Variants in CPLANE1 observed in about 807,000 individuals in gnomAD.
The protein encoded by CPLANE1 is ciliogenesis and planar polarity effector complex subunit 1, also known as ciliogenesis and planar polarity effector 1.
Under a neutral mutation model 362.5 loss-of-function variants are expected in CPLANE1, and 263 were observed. The ratio of observed to expected loss-of-function variants is 0.73; its 90% CI spans 0.66 to 0.80. The LOEUF is 0.80. Among genes scored for constraint, CPLANE1 ranks in the 30% least tolerant of loss-of-function variants. CPLANE1 has a pLI of 0.00. For synonymous variants in CPLANE1, 1,212 were observed against 1,302.6 expected (o/e 0.93, Z 1.50); for missense variants, 3,461 against 3,793.4 (o/e 0.91, Z 2.30).
chr5:37,209,917 A>G lies in CPLANE1; in HGVS notation c.2921-3492T>C, dbSNP rs1580760199. ...CAGCTTATTGATGATCAGTTTGCAG[A>G]TGCTTACCCTCAGCGTATCAAGTTT... is the stretch of plus-strand genomic sequence containing the variant. On this transcript the variant is annotated intron_variant, in intron 16 of 52. Coordinates refer to ENST00000651892, the MANE Select transcript of CPLANE1 (RefSeq NM_001384732.1). This position sits in a 1 kb window ranked among gnomAD's most constrained non-coding sequence, Gnocchi z 4.6. 6 of 1,406,932 alleles carry G rather than the reference A, an allele frequency of 4.3e-6. No individual in the cohort carries two copies. Among genetic ancestry groups the G allele is most frequent in the African/African-American group, 4.2e-5 (3 of 70,972 alleles). The allele number at this position is 1,406,932 out of a possible 1,614,324, so 87.2% of individuals were successfully genotyped here.
chr5:37,194,907 C>T (rs1261263733), intron 21 of CPLANE1, among the ~76,000 whole-genome samples: 1 of 151,970 alleles, frequency 6.6e-6, no homozygotes, highest in Non-Finnish European at 1.5e-5. Context: ...AATCCCAGCA[C>T]TTTGGGAGGC....
chr5:37,224,860 C>T (rs191994976), intron 12 of CPLANE1, 120 bp from the exon 13 acceptor site: 25 of 600,230 alleles, frequency 4.2e-5, no homozygotes, highest in Middle Eastern at 4.5e-4. Flanking sequence ...TACATACAAA[C>T]TGATCACATT....
At chr5:37,228,756 G>A (rs1797013553) in intron 9 of CPLANE1, among the ~76,000 whole-genome samples, 1 of 152,004 alleles carries the variant, frequency 6.6e-6, no homozygotes, top group Non-Finnish European at 1.5e-5. Context: ...ATTTAATTTT[G>A]TAACATTTGA....
intron 46 of CPLANE1, among the ~76,000 whole-genome samples, chr5:37,127,276 G>A (rs72736743): frequency 0.028 from 4,283 of 151,930 alleles, 92 homozygotes; most frequent in Middle Eastern, 0.1. Flanking sequence ...GGTGATCTTG[G>A]GGACCCCCAG....
At chr5:37,085,271 T>C in the CPLANE1 span, 19 of 894,534 alleles carry the variant, frequency 2.1e-5, no homozygotes, top group African/African-American at 2.9e-4. Context: ...TTAAGGTTGA[T>C]GGCAAGGTAC....
chr5:37,112,822 T>A (rs918827758), intron 51 of CPLANE1, among the ~76,000 whole-genome samples: 1 of 152,206 alleles, frequency 6.6e-6, no homozygotes, highest in Non-Finnish European at 1.5e-5. Flanking sequence ...GAGGCAGGGT[T>A]ACCATTGAAC....
At chr5:37,078,560 ATACCCAGCAATGGTAT>A in the CPLANE1 span, among the ~76,000 whole-genome samples, 1 of 152,196 alleles carries the variant, frequency 6.6e-6, no homozygotes, top group Non-Finnish European at 1.5e-5. Context: ...CTTTGGATAT[ATACCCAGCAATGGTAT>A]TGCTGGGTCA....
chr5:37,193,459 G>A (rs753840666), intron 21 of CPLANE1, among the ~76,000 whole-genome samples: 4 of 152,012 alleles, frequency 2.6e-5, no homozygotes, highest in Non-Finnish European at 1.5e-5. Flanking sequence ...GTTTGAGACC[G>A]ACCTAGCCAA....
rs754236106 is a variant in CPLANE1, at chr5:37,153,822, T to G, written c.8291A>C (p.Gln2764Pro). ...LSAKLQKIDE[Q>P]LLAIQNIAEN... is the part of the protein sequence containing the mutation. ...AGCAATGTTCTGTATTGCTAGCAACTGCTCGTCAATTTTCTGAAGCTTAGC... is the reference window on the plus strand; with the variant it reads ...AGCAATGTTCTGTATTGCTAGCAACGGCTCGTCAATTTTCTGAAGCTTAGC... The change falls in exon 42 of 53, where the codon CAG (glutamine) becomes CCG (proline). Residue 2764 changes from glutamine (Q) to proline (P), a missense_variant. This residue lies in a region of CPLANE1 where 3,380 missense variants were observed against 3,666.1 expected (regional missense o/e 0.92). Coordinates refer to ENST00000651892, the MANE Select transcript of CPLANE1 (RefSeq NM_001384732.1). 2 of 1,614,170 alleles carry G rather than the reference T, an allele frequency of 1.2e-6. No individual in the cohort carries two copies. Among genetic ancestry groups the G allele is most frequent in the South Asian group, 2.2e-5 (2 of 91,076 alleles).
At position 37,209,604 on chromosome 5, in the gene CPLANE1, C is replaced by G; in HGVS notation, c.2921-3179G>C. On this transcript the variant is annotated intron_variant, in intron 16 of 52. Transcript: ENST00000651892. This position sits in a 1 kb window ranked among gnomAD's most constrained non-coding sequence, Gnocchi z 4.6. ...TGCCTCTAACTCTTTAGTGGCAGAT[C>G]ACTTACAAAGATGTGGCTGTGAATA... 2 of 1,429,024 alleles carry G rather than the reference C, an allele frequency of 1.4e-6. No individual in the cohort carries two copies. Among genetic ancestry groups the G allele is most frequent in the Non-Finnish European group, 2.0e-6 (2 of 1,012,786 alleles). The allele number at this position is 1,429,024 out of a possible 1,614,324, so 88.5% of individuals were successfully genotyped here.
intron 46 of CPLANE1, among the ~76,000 whole-genome samples, chr5:37,134,507 T>C (rs1371043381): frequency 6.6e-6 from 1 of 152,220 alleles, no homozygotes; most frequent in African/African-American, 2.4e-5. Flanking sequence ...TTTCTGATTG[T>C]GCTTATTTGG....
chr5:37,125,074 A>T, intron 47 of CPLANE1, 170 bp downstream of exon 47: 1 of 1,370,924 alleles, frequency 7.3e-7, no homozygotes, highest in Admixed American at 3.0e-5. Flanking sequence ...AATATGCTGC[A>T]ACATTTTAAG....
chr5:37,080,073 G>A, the CPLANE1 span, among the ~76,000 whole-genome samples: 1 of 152,114 alleles, frequency 6.6e-6, no homozygotes, highest in African/African-American at 2.4e-5. Context: ...CTAGAGGCTA[G>A]GTACCTCCTA....
At chr5:37,216,034 G>A (rs972688962) in intron 15 of CPLANE1, among the ~76,000 whole-genome samples, 4 of 151,560 alleles carry the variant, frequency 2.6e-5, no homozygotes, top group Non-Finnish European at 4.4e-5. Context: ...ATGGGGTTTC[G>A]CCATGTTGGA....
Position 37,245,602 on chromosome 5 carries a change from T to C in CPLANE1, c.218-4A>G. 1 of 1,506,730 alleles carries C rather than the reference T, an allele frequency of 6.6e-7. No individual in the cohort carries two copies. Among genetic ancestry groups the C allele is most frequent in the Non-Finnish European group, 8.9e-7 (1 of 1,128,276 alleles). The allele number at this position is 1,506,730 out of a possible 1,614,324, so 93.3% of individuals were successfully genotyped here. A position where few individuals can be genotyped will look rare whatever the true frequency, so the allele number is the denominator to read the frequency against. Reference sequence around the variant, plus strand: ...AGTACCCCAGCCAGCCAGGCATCTGTTTCCAAAAATGAAATGCAATACTTA... The same window carrying C: ...AGTACCCCAGCCAGCCAGGCATCTGCTTCCAAAAATGAAATGCAATACTTA... On this transcript the variant is annotated splice_polypyrimidine_tract_variant and splice_region_variant and intron_variant, in intron 3 of 52. Transcript: ENST00000651892.
chr5:37,211,606 A>G (rs937264182), intron 16 of CPLANE1: 4 of 873,478 alleles, frequency 4.6e-6, no homozygotes, highest in Admixed American at 1.7e-5. Context: ...AGAAGCCTTG[A>G]AAGTGAAATA....
rs372325164 is a variant in CPLANE1, at chr5:37,187,563, C to T, written c.3931G>A (p.Val1311Met). The T allele has an allele frequency of 1.2e-6, 2 of 1,607,150 alleles. No homozygotes were observed. Among genetic ancestry groups the T allele is most frequent in the African/African-American group, 2.7e-5 (2 of 74,502 alleles). The stretch of plus-strand genomic sequence containing the variant: ...TCAATCATACAAGAATCAAACTCCA[C>T]TTCAAGGTCCTAAAAGGATATTGAA... The part of the protein sequence containing the change: ...ENVKGEKDLE[V>M]EFDSCMIEHC... Residue 1311 changes from valine to methionine, a missense_variant, in exon 23 of 53, where the codon GTG (valine) becomes ATG (methionine). Around this residue, in one of 2 missense-constraint regions of CPLANE1, gnomAD observed 3,380 missense variants for 3,666.1 expected, o/e 0.92. Coordinates refer to ENST00000651892, the MANE Select transcript of CPLANE1 (RefSeq NM_001384732.1).
chr5:37,108,212 A>T, intron 52 of CPLANE1, 81 bp downstream of exon 52: 1 of 1,379,152 alleles, frequency 7.3e-7, no homozygotes, highest in East Asian at 2.3e-5. Flanking sequence ...AAACAAACTA[A>T]AAAACAAACA....
At chr5:37,159,034 T>A (rs1776052195) in intron 38 of CPLANE1, among the ~76,000 whole-genome samples, 1 of 146,318 alleles carries the variant, frequency 6.8e-6, no homozygotes, top group Admixed American at 6.8e-5. Context: ...TCCGCCCGCC[T>A]CAGCCTCCCA....
Sources: allele counts gnomAD v4.1 joint callset (sites outside exome capture counted in the v4.1 genomes callset), GRCh38; gene constraint gnomAD v4.1.1; regional missense constraint gnomAD v4.1.1; non-coding constraint Gnocchi (gnomAD v3.1); transcripts MANE v1.5; gene names NCBI Gene and HGNC (gene_info 2026-07-23, HGNC 2026-07-21).